The following AP2A2 variants were observed in gnomAD, a reference collection of about 807,000 sequenced individuals.
The protein encoded by AP2A2 is AP-2 complex subunit alpha-2.
Under a neutral mutation model 104.2 loss-of-function variants are expected in AP2A2, and 32 were observed. That is an observed-to-expected ratio of 0.31 (90% confidence interval 0.23 to 0.41). The LOEUF is 0.41. Ranked by LOEUF, AP2A2 falls within the 10% of genes least tolerant of loss-of-function variation. AP2A2 has a pLI of 1.00. For synonymous variants in AP2A2, 539 were observed against 533.3 expected, an observed-to-expected ratio of 1.01 and a Z score of -0.15; for missense variants, 912 against 1,261.0, an observed-to-expected ratio of 0.72 and a Z score of 4.19.
Position 994,165 on chromosome 11 carries a change from G to T in AP2A2, c.1876G>T (p.Asp626Tyr), listed in dbSNP as rs1855761209. 3 of 1,613,002 alleles carry T rather than the reference G, an allele frequency of 1.9e-6. No homozygotes were observed. Among genetic ancestry groups the T allele is most frequent in the Non-Finnish European group, 2.5e-6 (3 of 1,179,870 alleles). The change falls in exon 14 of 22, where the codon GAC becomes TAC. Residue 626 changes from aspartate to tyrosine, a missense_variant. Asp to Tyr is a radical substitution (Grantham distance 160, BLOSUM62 -3). Transcript: ENST00000448903. ...GAAGAAGGGCCCCAGCACGGTGACA[G>T]ACCTGGAGGACACCAAGCGGGACAG... ...KKKKGPSTVT[D>Y]LEDTKRDRSV...
intron 2 of AP2A2, among the ~76,000 whole-genome samples, chr11:966,326 A>G (rs1444890781): frequency 6.6e-6 from 1 of 152,066 alleles, no homozygotes; most frequent in Non-Finnish European, 1.5e-5. Flanking sequence ...AACCCTAAAA[A>G]TCTCTACTAA....
At position 959,688 on chromosome 11, in the gene AP2A2, C is replaced by T. The variant is rs559279467; in HGVS notation, c.136+183C>T. Among the ~76,000 whole-genome samples, 27 of 152,328 alleles carry T rather than the reference C, an allele frequency of 1.8e-4. No individual in the cohort carries two copies. The South Asian group carries it at 5.6e-3, about 32-fold the overall frequency. The stretch of plus-strand genomic sequence containing the variant: ...GTGTGGAGCTGGTTAGGTGGGGCAG[C>T]CCCTCCTGGTGTCTGGTCTTTTCCT... On this transcript the variant is annotated intron_variant, in intron 2 of 21. Coordinates refer to ENST00000448903, the MANE Select transcript of AP2A2 (RefSeq NM_012305.4).
rs1188624042 is a variant in AP2A2, at chr11:984,636, G to A, written c.706-9G>A. On this transcript the variant is annotated splice_polypyrimidine_tract_variant and intron_variant, in intron 6 of 21. Coordinates refer to ENST00000448903, the MANE Select transcript of AP2A2 (RefSeq NM_012305.4). ...GGCAGCGTGTCTCATTGCCTGTGCT[G>A]TCTTACAGATCGTGACGTCTGCATC... 2 of 1,603,288 alleles carry A rather than the reference G, an allele frequency of 1.2e-6. No homozygotes were observed. Among genetic ancestry groups the A allele is most frequent in the African/African-American group, 2.7e-5 (2 of 74,768 alleles).
At chr11:939,966 T>A (rs1853590283) in intron 1 of AP2A2, among the ~76,000 whole-genome samples, 1 of 147,250 alleles carries the variant, frequency 6.8e-6, no homozygotes, top group African/African-American at 2.5e-5. Flanking sequence ...TTTTTTTTTT[T>A]TTTTTTTGAG....
chr11:1,000,067 A>T (rs1359588592), intron 14 of AP2A2, among the ~76,000 whole-genome samples: 1 of 151,930 alleles, frequency 6.6e-6, no homozygotes, highest in Non-Finnish European at 1.5e-5. Context: ...CGGCCTCCCA[A>T]AGTGCTGGGA....
intron 10 of AP2A2, among the ~76,000 whole-genome samples, chr11:990,565 G>A (rs1855610938): frequency 6.6e-6 from 1 of 152,196 alleles, no homozygotes; most frequent in Non-Finnish European, 1.5e-5. Flanking sequence ...TGCGTGATGA[G>A]CGGCAATCCT....
chr11:954,458 A>C (rs980012927), intron 1 of AP2A2, among the ~76,000 whole-genome samples: 2 of 151,354 alleles, frequency 1.3e-5, no homozygotes, highest in Non-Finnish European at 3.0e-5. Context: ...ATATGTGTAT[A>C]TATGTTGTAT....
At chr11:934,180 C>T (rs1167970618) in intron 1 of AP2A2, among the ~76,000 whole-genome samples, 4 of 152,128 alleles carry the variant, frequency 2.6e-5, no homozygotes, top group African/African-American at 9.7e-5. Flanking sequence ...AACTCCAGGT[C>T]GAGTGGCAGA....
chr11:970,424 C>T (rs1854778449), intron 3 of AP2A2, 113 bp downstream of exon 3: 1 of 1,377,044 alleles, frequency 7.3e-7, no homozygotes, highest in Non-Finnish European at 9.9e-7. Flanking sequence ...TGACGTGAGC[C>T]ACGTGGGTCT....
chr11:998,689 G>C lies in AP2A2; in HGVS notation c.1957-1743G>C, dbSNP rs150041574. Reference sequence around the variant, plus strand: ...CCAGAACGCTCTTAGCTGGGTGGGGGGTTTCTCCACCAAGAGCCCCTGGTG... The same window carrying C: ...CCAGAACGCTCTTAGCTGGGTGGGGCGTTTCTCCACCAAGAGCCCCTGGTG... On this transcript the variant is annotated intron_variant, in intron 14 of 21. Coordinates refer to ENST00000448903, the MANE Select transcript of AP2A2 (RefSeq NM_012305.4). Among the ~76,000 whole-genome samples, 355 of 152,126 alleles carry C rather than the reference G, an allele frequency of 2.3e-3. 2 individuals are homozygous for C. The highest frequency in any genetic ancestry group is 8.3e-3 in the African/African-American group (346 of 41,492).
At chr11:1,000,313 C>T (rs1855988537) in intron 14 of AP2A2, 119 bp from the exon 15 acceptor site, 1 of 975,022 alleles carries the variant, frequency 1.0e-6, no homozygotes, top group Non-Finnish European at 1.5e-6. Context: ...CTGCCCCAGC[C>T]ACTGGGAGTG....
rs557306460 is a variant in AP2A2 at position 959,629 on chromosome 11, C to T, written c.136+124C>T. The T allele has an allele frequency of 6.1e-4, 416 of 683,814 alleles. 3 individuals are homozygous for T. The South Asian group carries it at 7.9e-3, about 13-fold the overall frequency. 42.4% of individuals were successfully genotyped at this position (683,814 alleles called of 1,614,324 possible). ...GTGAAGTTCTCAGTTTGTACAGTTTCTATCAGGGCCCTGTCAGAATTAGGA... is the reference window on the plus strand; with the variant it reads ...GTGAAGTTCTCAGTTTGTACAGTTTTTATCAGGGCCCTGTCAGAATTAGGA... On this transcript the variant is annotated intron_variant, in intron 2 of 21. Coordinates refer to ENST00000448903, the MANE Select transcript of AP2A2 (RefSeq NM_012305.4).
At chr11:954,081 C>T (rs529660963) in intron 1 of AP2A2, among the ~76,000 whole-genome samples, 100 of 152,218 alleles carry the variant, frequency 6.6e-4, no homozygotes, top group African/African-American at 2.4e-3. Flanking sequence ...GTGATCCGCC[C>T]GCCTCAGCCT....
intron 18 of AP2A2, 151 bp from the exon 19 acceptor site, chr11:1,008,949 A>G: frequency 1.6e-6 from 1 of 634,990 alleles, no homozygotes; most frequent in Non-Finnish European, 2.8e-6. Flanking sequence ...TGAGCCACAC[A>G]CGATCCGTGG....
chr11:960,032 T>C (rs1283241651), intron 2 of AP2A2, among the ~76,000 whole-genome samples: 2 of 152,198 alleles, frequency 1.3e-5, no homozygotes, highest in Non-Finnish European at 2.9e-5. Flanking sequence ...TTTCAGTTAA[T>C]GTTTACAGAT....
intron 1 of AP2A2, among the ~76,000 whole-genome samples, chr11:942,593 G>A (rs899524629): frequency 2.6e-4 from 40 of 152,274 alleles, no homozygotes; most frequent in African/African-American, 9.1e-4. Context: ...GGGGAGTTTG[G>A]ATACTTGAAT....
intron 2 of AP2A2, among the ~76,000 whole-genome samples, chr11:969,039 C>T (rs938858348): frequency 1.2e-4 from 19 of 152,046 alleles, no homozygotes; most frequent in East Asian, 9.7e-4. Flanking sequence ...GAGCGGCTGT[C>T]GCAGCTGGGC....
rs752996699 is a variant in AP2A2, at chr11:1,011,761, C to T, written c.*1136C>T. ...CAGGGAGGGTGGGTGGCCACATGTG[C>T]TTGAGGGTTTTCACCCTGGCCCTCA... On this transcript the variant is annotated 3_prime_UTR_variant, in exon 22 of 22. Coordinates refer to ENST00000448903, the MANE Select transcript of AP2A2 (RefSeq NM_012305.4). The T allele has an allele frequency of 5.6e-5, 18 of 323,064 alleles. No individual in the cohort carries two copies. Among genetic ancestry groups the T allele is most frequent in the Non-Finnish European group, 9.8e-5 (16 of 163,556 alleles). 20.0% of individuals were successfully genotyped at this position (323,064 alleles called of 1,614,324 possible). A position where few individuals can be genotyped will look rare whatever the true frequency, so the allele number is the denominator to read the frequency against.
At chr11:971,593 A>AG (rs1192761834) in intron 3 of AP2A2, among the ~76,000 whole-genome samples, 3 of 148,596 alleles carry the variant, frequency 2.0e-5, no homozygotes, top group African/African-American at 5.0e-5. Flanking sequence ...GTGGGGGTGG[A>AG]GGGGGGCGGC....
Sources: allele counts gnomAD v4.1 joint callset (sites outside exome capture counted in the v4.1 genomes callset), GRCh38; gene constraint gnomAD v4.1.1; transcripts MANE v1.5; gene names NCBI Gene and HGNC (gene_info 2026-07-23, HGNC 2026-07-21).